EYA4: variants seen among roughly 807,000 people sequenced by gnomAD.
The protein encoded by EYA4 is protein phosphatase EYA4.
EYA4 carries 31 observed loss-of-function variants against 87.9 expected under a neutral mutation model. That is an observed-to-expected ratio of 0.35 (90% confidence interval 0.27 to 0.48). EYA4 has a LOEUF of 0.48. EYA4 is among the 20% of genes least tolerant of loss of function. The pLI is 0.99. For synonymous variants in EYA4, 263 were observed against 270.6 expected (o/e 0.97, Z 0.28); for missense variants, 678 against 761.4 (o/e 0.89, Z 1.29).
At chr6:133,499,306 T>C (rs1449512465) in intron 13 of EYA4, among the ~76,000 whole-genome samples, 1 of 152,158 alleles carries the variant, frequency 6.6e-6, no homozygotes, top group African/African-American at 2.4e-5. Context: ...GGTGTGTGTA[T>C]TTGCCACCTC....
intron 2 of EYA4, among the ~76,000 whole-genome samples, chr6:133,375,670 A>G (rs1452267576): frequency 6.6e-6 from 1 of 151,904 alleles, no homozygotes; most frequent in East Asian, 1.9e-4. Context: ...AGGGCCAGTC[A>G]ATTGAGATGC....
At chr6:133,494,756 G>A (rs993549141) in intron 13 of EYA4, among the ~76,000 whole-genome samples, 2 of 151,792 alleles carry the variant, frequency 1.3e-5, no homozygotes, top group African/African-American at 4.8e-5. Flanking sequence ...GGAGGCTGAT[G>A]TTGGAGGATC....
chr6:133,499,083 A>G (rs1435389206), intron 13 of EYA4, among the ~76,000 whole-genome samples: 1 of 152,188 alleles, frequency 6.6e-6, no homozygotes, highest in East Asian at 1.9e-4. Context: ...AAACACATAG[A>G]GCAACCTTCT....
chr6:133,397,497 T>C (rs1787904604), intron 3 of EYA4, among the ~76,000 whole-genome samples: 1 of 152,232 alleles, frequency 6.6e-6, no homozygotes, highest in Non-Finnish European at 1.5e-5. Context: ...TATTTTTTTG[T>C]GCAGTTAGAA....
chr6:133,310,989 T>G (rs1780169998), intron 2 of EYA4, among the ~76,000 whole-genome samples: 1 of 152,212 alleles, frequency 6.6e-6, no homozygotes, highest in Non-Finnish European at 1.5e-5. Context: ...GAGCTCAGAC[T>G]TTTCCCCTAT....
intron 5 of EYA4, chr6:133,453,765 A>G (rs1220044843): frequency 6.6e-6 from 1 of 152,116 alleles, no homozygotes; most frequent in Non-Finnish European, 1.5e-5. Flanking sequence ...CTCAAATGTT[A>G]GCATCCATTA....
At chr6:133,283,273 G>A (rs1205661861) in intron 2 of EYA4, among the ~76,000 whole-genome samples, 2 of 151,748 alleles carry the variant, frequency 1.3e-5, no homozygotes, top group African/African-American at 4.8e-5. Flanking sequence ...CACCCTGAGC[G>A]ACAGAGCAAG....
intron 2 of EYA4, among the ~76,000 whole-genome samples, chr6:133,349,514 A>G (rs182936988): frequency 2.3e-4 from 35 of 152,346 alleles, no homozygotes; most frequent in Non-Finnish European, 1.2e-4. Flanking sequence ...TTTGAGTTTT[A>G]TTAGGAACTT....
At chr6:133,296,343 G>T (rs140948901) in intron 2 of EYA4, among the ~76,000 whole-genome samples, 70 of 152,290 alleles carry the variant, frequency 4.6e-4, no homozygotes, top group African/African-American at 1.6e-3. Context: ...TCACTGGAAG[G>T]CTTTGGGCAA....
intron 2 of EYA4, among the ~76,000 whole-genome samples, chr6:133,279,491 C>G (rs1326524733): frequency 6.6e-6 from 1 of 151,938 alleles, no homozygotes; most frequent in Non-Finnish European, 1.5e-5. Flanking sequence ...TATTTCAAAG[C>G]TATTCTATTT....
intron 19 of EYA4, chr6:133,526,005 G>A: frequency 1.5e-6 from 1 of 653,372 alleles, no homozygotes; most frequent in South Asian, 6.8e-5. Flanking sequence ...AGATCCCATG[G>A]GCCCTAAGTA....
intron 2 of EYA4, among the ~76,000 whole-genome samples, chr6:133,348,413 C>T (rs187358036): frequency 4.6e-5 from 7 of 151,746 alleles, no homozygotes; most frequent in African/African-American, 1.4e-4. Context: ...AGCTGGCATG[C>T]GCCACCATGC....
chr6:133,346,238 G>C (rs1172139318), intron 2 of EYA4, among the ~76,000 whole-genome samples: 1 of 152,106 alleles, frequency 6.6e-6, no homozygotes, highest in Admixed American at 6.5e-5. Flanking sequence ...TTAAATTCTA[G>C]ATCTAAATAA....
intron 13 of EYA4, among the ~76,000 whole-genome samples, chr6:133,492,280 C>T (rs1797235495): frequency 2.6e-5 from 4 of 152,094 alleles, no homozygotes; most frequent in Admixed American, 2.6e-4. Context: ...TGGGCTTTAC[C>T]CCAGGGATGC....
chr6:133,274,243 A>G (rs1457268351), intron 1 of EYA4, among the ~76,000 whole-genome samples: 1 of 152,178 alleles, frequency 6.6e-6, no homozygotes, highest in African/African-American at 2.4e-5. Context: ...TAAAAAGTGA[A>G]GAGTAATTAT....
At chr6:133,495,589 G>A (rs1797587347) in intron 13 of EYA4, among the ~76,000 whole-genome samples, 1 of 151,962 alleles carries the variant, frequency 6.6e-6, no homozygotes, top group Non-Finnish European at 1.5e-5. Context: ...GGGAGTTTTA[G>A]GTTTATTATT....
chr6:133,526,902 C>T (rs138912117), intron 19 of EYA4, among the ~76,000 whole-genome samples: 21 of 152,272 alleles, frequency 1.4e-4, no homozygotes, highest in African/African-American at 2.9e-4. Flanking sequence ...ATTAAATTCA[C>T]GTATATTTAG....
chr6:133,392,595 TAC>T (rs1787396872), intron 3 of EYA4, among the ~76,000 whole-genome samples: 1 of 152,210 alleles, frequency 6.6e-6, no homozygotes, highest in Non-Finnish European at 1.5e-5. Context: ...GGGGCGGCAT[TAC>T]ACACTATTTT....
At chr6:133,348,534 G>A (rs546854482) in intron 2 of EYA4, among the ~76,000 whole-genome samples, 1 of 151,884 alleles carries the variant, frequency 6.6e-6, no homozygotes, top group South Asian at 2.1e-4. Context: ...CAAAGTGCTG[G>A]GATTACAGGC....
Sources: gnomAD v4.1 joint callset for allele counts (sites outside exome capture counted in the v4.1 genomes callset) on GRCh38, gnomAD v4.1.1 for gene constraint, MANE v1.5 for transcripts, NCBI Gene and HGNC (gene_info 2026-07-23, HGNC 2026-07-21) for gene names.